GRID2: variants seen among roughly 807,000 people sequenced by gnomAD.
The protein encoded by GRID2 is glutamate ionotropic receptor delta type subunit 2, also known as glutamate receptor ionotropic, delta-2.
GRID2 carries 33 observed loss-of-function variants against 114.8 expected under a neutral mutation model. The ratio of observed to expected loss-of-function variants is 0.29; its 90% confidence interval spans 0.22 to 0.38. The LOEUF (loss-of-function observed/expected upper bound fraction) is 0.38. Among genes scored for constraint, GRID2 ranks in the 10% least tolerant of loss-of-function variants. The pLI is 1.00. For missense variants in GRID2, 1,184 were observed against 1,257.7 expected (o/e 0.94, Z 0.89); for synonymous variants, 505 against 449.9 (o/e 1.12, Z -1.55).
At chr4:92,884,295 G>A (rs1746219431) in intron 2 of GRID2, among the ~76,000 whole-genome samples, 1 of 152,122 alleles carries the variant, frequency 6.6e-6, no homozygotes, top group South Asian at 2.1e-4. Flanking sequence ...TCTGCATTAG[G>A]TTTTGATTTA....
chr4:93,208,224 C>A (rs1458953315), intron 5 of GRID2, among the ~76,000 whole-genome samples: 1 of 151,800 alleles, frequency 6.6e-6, no homozygotes, highest in Non-Finnish European at 1.5e-5. Context: ...AATAAGATTT[C>A]TTTTAGGGAC....
intron 11 of GRID2, among the ~76,000 whole-genome samples, chr4:93,472,813 G>A (rs1372609206): frequency 6.6e-6 from 1 of 152,112 alleles, no homozygotes; most frequent in Non-Finnish European, 1.5e-5. Flanking sequence ...TGGGCTCTTT[G>A]CAGACAGTAT....
At chr4:92,671,651 G>A (rs1284703537) in intron 2 of GRID2, among the ~76,000 whole-genome samples, 5 of 152,110 alleles carry the variant, frequency 3.3e-5, no homozygotes, top group African/African-American at 1.2e-4. Flanking sequence ...GGACCCAGAG[G>A]AGTTAATTGT....
At chr4:92,455,652 C>A (rs1177182304) in intron 1 of GRID2, among the ~76,000 whole-genome samples, 1 of 151,996 alleles carries the variant, frequency 6.6e-6, no homozygotes, top group East Asian at 1.9e-4. Context: ...ATGAGGGAGA[C>A]CATTGTGTCT....
At chr4:93,689,391 A>T (rs1349240166) in intron 14 of GRID2, among the ~76,000 whole-genome samples, 1 of 152,078 alleles carries the variant, frequency 6.6e-6, no homozygotes, top group Non-Finnish European at 1.5e-5. Flanking sequence ...CTGAGAAATA[A>T]TTCAGTTGTG....
chr4:93,497,460 TCTC>T (rs1325676741), intron 12 of GRID2, among the ~76,000 whole-genome samples: 1 of 151,840 alleles, frequency 6.6e-6, no homozygotes, highest in Non-Finnish European at 1.5e-5. Flanking sequence ...ATGAAGATTT[TCTC>T]CTATTTCTTC....
chr4:92,671,916 G>A (rs1733093624), intron 2 of GRID2, among the ~76,000 whole-genome samples: 1 of 152,026 alleles, frequency 6.6e-6, no homozygotes, highest in African/African-American at 2.4e-5. Context: ...AATGCTGTCA[G>A]ACCATATGGT....
intron 3 of GRID2, among the ~76,000 whole-genome samples, chr4:93,094,993 A>G (rs926350288): frequency 6.6e-6 from 1 of 152,054 alleles, no homozygotes; most frequent in Non-Finnish European, 1.5e-5. Flanking sequence ...AAATAAGACT[A>G]TATTAAACAC....
intron 8 of GRID2, chr4:93,258,751 G>T (rs1285784092): frequency 2.9e-6 from 1 of 340,226 alleles, no homozygotes; most frequent in East Asian, 7.3e-5. Flanking sequence ...GAACCTGAAG[G>T]ATTGTCATTT....
intron 2 of GRID2, among the ~76,000 whole-genome samples, chr4:93,059,266 C>T (rs1370772393): frequency 1.3e-5 from 2 of 152,012 alleles, no homozygotes; most frequent in Non-Finnish European, 2.9e-5. Flanking sequence ...AAGATTTCTC[C>T]AACTTTTATT....
chr4:93,453,051 A>G (rs1220909437), intron 10 of GRID2, among the ~76,000 whole-genome samples: 1 of 74,258 alleles, frequency 1.3e-5, no homozygotes, highest in Non-Finnish European at 2.6e-5. Context: ...CCCCCACCCC[A>G]CAACAGGCCC....
chr4:93,786,290 C>G (rs1296562049), intron 1 of GRID2, among the ~76,000 whole-genome samples: 1 of 152,062 alleles, frequency 6.6e-6, no homozygotes, highest in African/African-American at 2.4e-5. Context: ...ACTGCTCTCC[C>G]AAGGAATATG....
intron 8 of GRID2, among the ~76,000 whole-genome samples, chr4:93,314,491 A>C (rs951676680): frequency 2.0e-5 from 3 of 152,052 alleles, no homozygotes; most frequent in African/African-American, 7.2e-5. Context: ...TCACTGGAAC[A>C]TTCTCTTTAC....
chr4:92,689,734 G>C (rs150814000), intron 2 of GRID2, among the ~76,000 whole-genome samples: 103 of 152,292 alleles, frequency 6.8e-4, no homozygotes, highest in African/African-American at 2.4e-3. Context: ...ATTGGGGGTG[G>C]TTGTTCTATA....
intron 14 of GRID2, among the ~76,000 whole-genome samples, chr4:93,675,871 C>G (rs549053241): frequency 6.6e-6 from 1 of 152,154 alleles, no homozygotes; most frequent in Non-Finnish European, 1.5e-5. Flanking sequence ...ATGGCTTATA[C>G]TTTCCACTCC....
intron 2 of GRID2, among the ~76,000 whole-genome samples, chr4:92,866,133 G>T (rs1000679938): frequency 6.6e-6 from 1 of 152,172 alleles, no homozygotes; most frequent in Admixed American, 6.5e-5. Flanking sequence ...CACACATGTT[G>T]AGGATATTTG....
At chr4:93,115,925 A>G (rs1733201284) in intron 4 of GRID2, among the ~76,000 whole-genome samples, 1 of 152,154 alleles carries the variant, frequency 6.6e-6, no homozygotes, top group South Asian at 2.1e-4. Context: ...GACAAAGCCA[A>G]CCATATCAGT....
At chr4:93,370,287 G>T (rs1762739794) in intron 8 of GRID2, among the ~76,000 whole-genome samples, 1 of 151,920 alleles carries the variant, frequency 6.6e-6, no homozygotes, top group African/African-American at 2.4e-5. Context: ...AGCATGCAAT[G>T]CTTCTTCTTA....
At chr4:93,542,176 A>G (rs911686441) in intron 13 of GRID2, among the ~76,000 whole-genome samples, 2 of 152,122 alleles carry the variant, frequency 1.3e-5, no homozygotes, top group African/African-American at 2.4e-5. Flanking sequence ...GCAGTAGACA[A>G]TCTTCAAAGA....
Sources: allele counts gnomAD v4.1 joint callset (sites outside exome capture counted in the v4.1 genomes callset), GRCh38; gene constraint gnomAD v4.1.1; transcripts MANE v1.5; gene names NCBI Gene and HGNC (gene_info 2026-07-23, HGNC 2026-07-21).